The following HM13 variants were observed in gnomAD, a reference collection of about 807,000 sequenced individuals.
HM13 encodes the protein signal peptide peptidase.
Under a neutral mutation model 50.0 loss-of-function variants are expected in HM13, and 18 were observed. The ratio of observed to expected loss-of-function variants is 0.36; its 90% CI spans 0.25 to 0.53. HM13 has a LOEUF of 0.53. Among genes scored for constraint, HM13 ranks in the 20% least tolerant of loss-of-function variants. HM13 has a pLI of 0.90. For missense variants in HM13, 393 were observed against 552.4 expected, an observed-to-expected ratio of 0.71 and a Z score of 2.89; for synonymous variants, 197 against 232.6, an observed-to-expected ratio of 0.85 and a Z score of 1.39.
chr20:31,569,357 A>C lies in HM13; in HGVS notation c.*138A>C, dbSNP rs1392869126. 8.9e-6 allele frequency: 5 copies of C among 560,636 alleles called. No individual in the cohort carries two copies. In the African/African-American group the frequency reaches 9.5e-5, roughly 11 times the overall value. The allele number at this position is 560,636 out of a possible 1,614,324, so 34.7% of individuals were successfully genotyped here. ...AGGGGGCAGCAGGATACCTCCAGCCAGGCCTCTGTGGCCTCTGTTTCCTTC... is the reference window on the plus strand; with the variant it reads ...AGGGGGCAGCAGGATACCTCCAGCCCGGCCTCTGTGGCCTCTGTTTCCTTC... On this transcript the variant is annotated 3_prime_UTR_variant, in exon 13 of 13. Coordinates refer to ENST00000398174, the MANE Select transcript of HM13 (RefSeq NM_178581.3).
chr20:31,542,630 A>G (rs759279231), intron 3 of HM13, among the ~76,000 whole-genome samples: 40 of 152,288 alleles, frequency 2.6e-4, no homozygotes, highest in Middle Eastern at 6.8e-3. Context: ...CGGGGCCTCT[A>G]TTCTCAAGTC....
chr20:31,554,783 A>C lies in HM13; in HGVS notation c.762A>C (p.Glu254Asp). 2 of 1,614,192 alleles carry C rather than the reference A, an allele frequency of 1.2e-6. No individual in the cohort carries two copies. Among genetic ancestry groups the C allele is most frequent in the Non-Finnish European group, 1.7e-6 (2 of 1,180,028 alleles). The change falls in exon 8 of 13, where the codon GAA (glutamate) becomes GAC (aspartate). Residue 254 changes from glutamate (E) to aspartate (D), a missense_variant. Coordinates refer to ENST00000398174, the MANE Select transcript of HM13 (RefSeq NM_178581.3). Reference sequence around the variant, plus strand: ...AGGATCTGCTGGAGAAAGGCCTCGAAGCAAACAACTTTGCCATGCTGGGAC... The same window carrying C: ...AGGATCTGCTGGAGAAAGGCCTCGACGCAAACAACTTTGCCATGCTGGGAC... Reference protein sequence around the residue: ...FPQDLLEKGLEANNFAMLGLG... With the variant: ...FPQDLLEKGLDANNFAMLGLG...
chr20:31,514,453 C>G lies in HM13; in HGVS notation c.-99C>G, dbSNP rs945134513. ...GGAGGGAGCACGTCACTTCCTGTTG[C>G]CTTAGGGGAACGTGGCTTTCCCTGC... On this transcript the variant is annotated 5_prime_UTR_variant, in exon 1 of 13. Coordinates refer to ENST00000398174, the MANE Select transcript of HM13 (RefSeq NM_178581.3). This position sits in a 1 kb window ranked among gnomAD's most constrained non-coding sequence, Gnocchi z 4.3. 15 of 1,344,476 alleles carry G rather than the reference C, an allele frequency of 1.1e-5. No individual in the cohort carries two copies. The Admixed American group carries it at 1.9e-4, about 17-fold the overall frequency. The allele number at this position is 1,344,476 out of a possible 1,614,324, so 83.3% of individuals were successfully genotyped here. A position where few individuals can be genotyped will look rare whatever the true frequency, so the allele number is the denominator to read the frequency against.
intron 1 of HM13, among the ~76,000 whole-genome samples, chr20:31,517,004 A>G (rs6059740): frequency 0.63 from 95,448 of 152,044 alleles, 32,416 homozygotes; most frequent in African/African-American, 0.91. Flanking sequence ...CCTAGTCCTC[A>G]TCCAGGGCTC....
intron 11 of HM13, among the ~76,000 whole-genome samples, chr20:31,566,838 C>A (rs1311094874): frequency 6.6e-6 from 1 of 151,952 alleles, no homozygotes; most frequent in Non-Finnish European, 1.5e-5. Context: ...CATATCCACA[C>A]CTACCACACC....
At chr20:31,561,879 C>T (rs768713599) in intron 10 of HM13, 143 bp downstream of exon 10, 142 of 679,596 alleles carry the variant, frequency 2.1e-4, no homozygotes, top group Non-Finnish European at 3.3e-4. Context: ...ATTCTCTTGG[C>T]CTTCCATTTG....
intron 7 of HM13, among the ~76,000 whole-genome samples, chr20:31,550,849 A>T (rs1310408685): frequency 6.6e-6 from 1 of 152,158 alleles, no homozygotes; most frequent in Non-Finnish European, 1.5e-5. Context: ...GGTAACACAC[A>T]TCTGTAGTCC....
At chr20:31,525,086 C>T (rs772925835) in intron 1 of HM13, among the ~76,000 whole-genome samples, 29 of 152,114 alleles carry the variant, frequency 1.9e-4, no homozygotes, top group Non-Finnish European at 3.8e-4. Flanking sequence ...ATTACCCTCC[C>T]GAAAAGGCTG....
intron 1 of HM13, among the ~76,000 whole-genome samples, chr20:31,516,264 T>A (rs1262299761): frequency 1.3e-5 from 2 of 152,168 alleles, no homozygotes; most frequent in Non-Finnish European, 2.9e-5. Flanking sequence ...TCTGAGCTGC[T>A]CTCCAAACTG....
Position 31,514,623 on chromosome 20 carries a change from G to T in HM13, c.72G>T (p.Arg24=). The change falls in exon 1 of 13, where the codon CGG becomes CGT. Residue 24 remains arginine, a synonymous_variant. Coordinates refer to ENST00000398174, the MANE Select transcript of HM13 (RefSeq NM_178581.3). The surrounding 1 kb of genome is among the most constrained non-coding windows in gnomAD (Gnocchi z 4.3). Reference sequence around the variant, plus strand: ...GCGGCCCCACCAACAGCACTACGCGGCCGCCTTCCACGCCCGAGGGCATCG... The same window carrying T: ...GCGGCCCCACCAACAGCACTACGCGTCCGCCTTCCACGCCCGAGGGCATCG... The part of the protein sequence containing the change: ...EAGGPTNSTT[R]PPSTPEGIAL... The T allele has an allele frequency of 6.3e-7, 1 of 1,590,816 alleles. No homozygotes were observed. Among genetic ancestry groups the T allele is most frequent in the Non-Finnish European group, 8.5e-7 (1 of 1,170,476 alleles).
rs145258785 is a variant in HM13, at chr20:31,559,221, G to A, written c.809-390G>A. On this transcript the variant is annotated intron_variant, in intron 8 of 12. Transcript: ENST00000398174. ...CAGTCACAATCTCACAATGATTTCC[G>A]TGACTATTTGAGGTATGTCATAGTG... 8.8e-3 allele frequency among the ~76,000 whole-genome samples: 1,335 copies of A among 152,278 alleles called. 17 individuals are homozygous for A. The highest frequency in any genetic ancestry group is 0.017 in the Middle Eastern group (5 of 294).
At chr20:31,557,291 C>T (rs1243470051) in intron 8 of HM13, among the ~76,000 whole-genome samples, 1 of 152,204 alleles carries the variant, frequency 6.6e-6, no homozygotes, top group African/African-American at 2.4e-5. Flanking sequence ...CTTAAGGGCA[C>T]GGTCTGTCAT....
rs1393007379 is a variant in HM13 at position 31,554,541 on chromosome 20, G to T, written c.725-205G>T. 3.3e-5 allele frequency: 17 copies of T among 514,878 alleles called. No homozygotes were observed. In the East Asian group the frequency reaches 5.5e-4, roughly 17 times the overall value. The allele number at this position is 514,878 out of a possible 1,614,324, so 31.9% of individuals were successfully genotyped here. A position where few individuals can be genotyped will look rare whatever the true frequency, so the allele number is the denominator to read the frequency against. On this transcript the variant is annotated intron_variant, in intron 7 of 12. Transcript: ENST00000398174. ...ACTAAAAATACAAAAAATTAGCTGG[G>T]TGCGGTGGTGGGCGCCTGTAGTTCC...
intron 3 of HM13, chr20:31,539,305 G>A: frequency 1.0e-6 from 1 of 985,488 alleles, no homozygotes; most frequent in Non-Finnish European, 1.2e-6. Flanking sequence ...CTGCCCCGTT[G>A]AAGAGGTGCA....
chr20:31,522,298 C>A (rs1334345788), intron 1 of HM13, among the ~76,000 whole-genome samples: 4 of 152,166 alleles, frequency 2.6e-5, no homozygotes, highest in African/African-American at 9.7e-5. Flanking sequence ...CATGGTGGCT[C>A]ACACCTGTAA....
intron 8 of HM13, among the ~76,000 whole-genome samples, chr20:31,557,721 T>TG (rs1201561954): frequency 6.7e-6 from 1 of 148,888 alleles, no homozygotes; most frequent in African/African-American, 2.5e-5. Context: ...TTTTTTTTTT[T>TG]TTTTTTGAGA....
chr20:31,526,876 A>G (rs1982520820), intron 1 of HM13, among the ~76,000 whole-genome samples: 1 of 152,146 alleles, frequency 6.6e-6, no homozygotes, highest in Non-Finnish European at 1.5e-5. Context: ...ACTGAAAACA[A>G]TTTTCTTCGA....
At position 31,568,138 on chromosome 20, in the gene HM13, C is replaced by T; in HGVS notation, c.1095C>T (p.Val365=). The change falls in exon 12 of 13, where the codon GTC becomes GTT. Residue 365 remains valine (V), a synonymous_variant. Transcript: ENST00000398174. ...CGAGGCTCACCCACTTCCCCACAGT[C>T]TCGGGCTCCCCAGCCAGCCTGGCCG... The part of the protein sequence containing the change: ...HTPRLTHFPT[V]SGSPASLADS... 1 of 1,613,274 alleles carries T rather than the reference C, an allele frequency of 6.2e-7. No homozygotes were observed. Among genetic ancestry groups the T allele is most frequent in the East Asian group, 2.2e-5 (1 of 44,882 alleles).
At chr20:31,552,878 C>T (rs1984103642) in intron 7 of HM13, among the ~76,000 whole-genome samples, 1 of 152,212 alleles carries the variant, frequency 6.6e-6, no homozygotes, top group South Asian at 2.1e-4. Flanking sequence ...CCTGTGCACG[C>T]ACCTCTGTGT....
Sources: allele counts gnomAD v4.1 joint callset (sites outside exome capture counted in the v4.1 genomes callset), GRCh38; gene constraint gnomAD v4.1.1; non-coding constraint Gnocchi (gnomAD v3.1); transcripts MANE v1.5; gene names NCBI Gene and HGNC (gene_info 2026-07-23, HGNC 2026-07-21).